The following NEDD9 variants were observed in gnomAD, a reference collection of about 807,000 sequenced individuals.
NEDD9 encodes the protein enhancer of filamentation 1.
NEDD9 carries 26 observed loss-of-function variants against 76.6 expected under a neutral mutation model. The observed-to-expected ratio is 0.34, with a 90% CI of 0.25 to 0.47. The LOEUF (loss-of-function observed/expected upper bound fraction) is 0.47. Among genes scored for constraint, NEDD9 ranks in the 20% least tolerant of loss-of-function variants. The pLI, the probability that NEDD9 is intolerant of heterozygous loss-of-function variation, is 1.00. For synonymous variants in NEDD9, 392 were observed against 414.2 expected (o/e 0.95, Z 0.65); for missense variants, 937 against 1,058.5 (o/e 0.89, Z 1.59).
At chr6:11,214,285 C>A (rs1758879857) in intron 1 of NEDD9, 1 of 487,186 alleles carries the variant, frequency 2.1e-6, no homozygotes, top group Non-Finnish European at 4.0e-6. Context: ...TGACAGGAGC[C>A]TTGGATCCAG....
In NEDD9 at chr6:11,185,131, T is replaced by A; in HGVS notation, c.*31A>T. On this transcript the variant is annotated 3_prime_UTR_variant, in exon 7 of 7. Transcript: ENST00000379446. The stretch of plus-strand genomic sequence containing the variant: ...ATTTCCAGTTTTCCTTAGTAACCGT[T>A]AACGCAGTCCCCTTCCTCTTTTTTT... The A allele has an allele frequency of 6.3e-7, 1 of 1,587,584 alleles. No individual in the cohort carries two copies. The highest frequency in any genetic ancestry group is 8.6e-7 in the Non-Finnish European group (1 of 1,163,022).
In NEDD9 at chr6:11,345,454, G is replaced by A. The variant is rs571001993; in HGVS notation, c.-213-10893C>T. On this transcript the variant is annotated intron_variant, in intron 1 of 3. Coordinates refer to the NEDD9 transcript ENST00000397378. ...GATGGAGCATCGAGCAAGACAGCAG[G>A]TGAGAGAGAGAGAGTGTGTGTGTGT... 9.2e-5 allele frequency among the ~76,000 whole-genome samples: 14 copies of A among 151,514 alleles called. 1 individual carries two copies. The South Asian group carries it at 2.9e-3, about 31-fold the overall frequency.
intron 3 of NEDD9, among the ~76,000 whole-genome samples, chr6:11,282,775 C>T (rs1217931562): frequency 6.6e-6 from 1 of 152,236 alleles, no homozygotes; most frequent in African/African-American, 2.4e-5. Flanking sequence ...GCTACGGCAA[C>T]AGCTCCTCGC....
rs144642549 is a variant in NEDD9 at position 11,309,771 on chromosome 6, A to T, written c.-152-3616T>A. 4.0e-3 allele frequency among the ~76,000 whole-genome samples: 615 copies of T among 152,318 alleles called. 6 individuals are homozygous for T. In the East Asian group the frequency reaches 0.052, roughly 13 times the overall value. On this transcript the variant is annotated intron_variant, in intron 2 of 3. Transcript: ENST00000397378. Reference sequence around the variant, plus strand: ...ATTTGTATATGAAGATACTGAAGTGAATATGGTAACTTGGAGTTTCAAGTT... The same window carrying T: ...ATTTGTATATGAAGATACTGAAGTGTATATGGTAACTTGGAGTTTCAAGTT...
chr6:11,280,087 A>G (rs1760504563), intron 3 of NEDD9, among the ~76,000 whole-genome samples: 1 of 152,138 alleles, frequency 6.6e-6, no homozygotes, highest in Non-Finnish European at 1.5e-5. Context: ...GATGTTTTGC[A>G]TCATCCCTGG....
chr6:11,192,219 C>A, intron 4 of NEDD9, 126 bp downstream of exon 4: 1 of 576,102 alleles, frequency 1.7e-6, no homozygotes. Flanking sequence ...CTACATTTTC[C>A]CCTTTTGGGT....
intron 1 of NEDD9, among the ~76,000 whole-genome samples, chr6:11,355,867 C>A (rs1400421586): frequency 6.6e-6 from 1 of 151,448 alleles, no homozygotes; most frequent in South Asian, 2.1e-4. Context: ...ACTACAGGCA[C>A]CCGCCACCAC....
intron 3 of NEDD9, among the ~76,000 whole-genome samples, chr6:11,275,572 A>G (rs968621441): frequency 6.6e-6 from 1 of 152,152 alleles, no homozygotes; most frequent in African/African-American, 2.4e-5. Context: ...ACACATATAT[A>G]TATATACAAA....
chr6:11,186,166 T>G (rs1465756999), intron 6 of NEDD9, among the ~76,000 whole-genome samples: 1 of 152,184 alleles, frequency 6.6e-6, no homozygotes, highest in African/African-American at 2.4e-5. Context: ...TGACCATTCA[T>G]GACCCCTTTC....
upstream of NEDD9, chr6:11,232,739 G>C: frequency 7.0e-7 from 1 of 1,422,484 alleles, no homozygotes; most frequent in South Asian, 1.5e-5. Flanking sequence ...ATTGGCTAGT[G>C]GGACAAGGTA....
chr6:11,311,417 G>A (rs1761362280), intron 2 of NEDD9, among the ~76,000 whole-genome samples: 2 of 152,234 alleles, frequency 1.3e-5, no homozygotes, highest in South Asian at 2.1e-4. Flanking sequence ...CTACCGACCC[G>A]TTGGTCTCTC....
intron 2 of NEDD9, among the ~76,000 whole-genome samples, chr6:11,306,669 T>TGTTA (rs1357022434): frequency 7.9e-5 from 12 of 152,202 alleles, no homozygotes; most frequent in Admixed American, 3.9e-4. Context: ...CAACTTAATA[T>TGTTA]GTTACCACTT....
At chr6:11,232,799 G>T, upstream of NEDD9, 1 of 1,031,726 alleles carries the variant, frequency 9.7e-7, no homozygotes, top group Non-Finnish European at 1.3e-6. Flanking sequence ...CAAAGAACTT[G>T]TAATGTGATC....
At chr6:11,200,721 G>C (rs1758422834) in intron 2 of NEDD9, 2 of 1,326,624 alleles carry the variant, frequency 1.5e-6, no homozygotes, top group African/African-American at 3.0e-5. Context: ...AACCAAAGCA[G>C]CAAATGGTAA....
At chr6:11,348,255 A>G (rs1762400667) in intron 1 of NEDD9, among the ~76,000 whole-genome samples, 1 of 152,240 alleles carries the variant, frequency 6.6e-6, no homozygotes, top group Non-Finnish European at 1.5e-5. Flanking sequence ...TGAGAACTAC[A>G]AAACACTGCT....
At chr6:11,327,304 G>GTAC (rs1454106704) in intron 2 of NEDD9, among the ~76,000 whole-genome samples, 2 of 152,100 alleles carry the variant, frequency 1.3e-5, no homozygotes, top group African/African-American at 4.8e-5. Flanking sequence ...TATCAATTAG[G>GTAC]TACTGAGTGA....
At chr6:11,319,172 C>G (rs1238896883) in intron 2 of NEDD9, among the ~76,000 whole-genome samples, 3 of 152,268 alleles carry the variant, frequency 2.0e-5, no homozygotes, top group African/African-American at 4.8e-5. Flanking sequence ...CCACTCAGAA[C>G]AGCGGGACCC....
At position 11,190,287 on chromosome 6, in the gene NEDD9, G is replaced by T. The variant is rs781636342; in HGVS notation, c.1582C>A (p.Leu528Met). ...INKPQNKCDD[L>M]DRFVMVAKTV... ...TTTGCCACCATCACAAACCGGTCCAGATCGTCACACTTGTTCTGGGGCTTG... is the reference window on the plus strand; with the variant it reads ...TTTGCCACCATCACAAACCGGTCCATATCGTCACACTTGTTCTGGGGCTTG... The change falls in exon 5 of 7, where the codon CTG (leucine) becomes ATG (methionine). Residue 528 changes from leucine (L) to methionine (M), a missense_variant. Physicochemically the swap from Leu to Met is conservative, Grantham distance 15. Transcript: ENST00000379446. This position sits in a 1 kb window ranked among gnomAD's most constrained non-coding sequence, Gnocchi z 5.8. The T allele has an allele frequency of 3.7e-6, 6 of 1,614,132 alleles. No homozygotes were observed. The highest frequency in any genetic ancestry group is 4.2e-6 in the Non-Finnish European group (5 of 1,180,054).
intron 3 of NEDD9, among the ~76,000 whole-genome samples, chr6:11,297,478 A>G (rs1484521372): frequency 2.0e-5 from 3 of 152,328 alleles, no homozygotes; most frequent in East Asian, 3.9e-4. Flanking sequence ...GCCTTCACTC[A>G]TGGTGTCTTC....
Sources: gnomAD v4.1 joint callset for allele counts (sites outside exome capture counted in the v4.1 genomes callset) on GRCh38, gnomAD v4.1.1 for gene constraint, Gnocchi (gnomAD v3.1) non-coding constraint, MANE v1.5 for transcripts, NCBI Gene and HGNC (gene_info 2026-07-23, HGNC 2026-07-21) for gene names.